The following TRPC6 variants were observed in gnomAD, a reference collection of about 807,000 sequenced individuals.
TRPC6 encodes the protein short transient receptor potential channel 6.
A neutral mutation model predicts 90.7 loss-of-function variants in TRPC6; 55 were observed. The observed-to-expected ratio is 0.61, with a 90% CI of 0.49 to 0.76. The LOEUF (loss-of-function observed/expected upper bound fraction) is 0.76. Ranked by LOEUF, TRPC6 falls within the 30% of genes least tolerant of loss-of-function variation. TRPC6 has a pLI of 0.00. For missense variants in TRPC6, 989 were observed against 1,122.7 expected, an observed-to-expected ratio of 0.88 and a Z score of 1.70; for synonymous variants, 393 against 393.0, an observed-to-expected ratio of 1.00 and a Z score of 0.00.
chr11:101,535,218 GGAAGGAAGGAAGGAAGAAA>G (rs1861013390), intron 1 of TRPC6, among the ~76,000 whole-genome samples: 1 of 87,236 alleles, frequency 1.1e-5, no homozygotes, highest in African/African-American at 4.3e-5. Context: ...AAGGAAGGAA[GGAAGGAAGGAAGGAAGAAA>G]ACACAAAGCA....
At chr11:101,462,716 G>A (rs1157604802) in intron 10 of TRPC6, among the ~76,000 whole-genome samples, 1 of 152,174 alleles carries the variant, frequency 6.6e-6, no homozygotes, top group Non-Finnish European at 1.5e-5. Flanking sequence ...GGGTTGAGAT[G>A]ATGAGGCTTT....
Position 101,489,006 on chromosome 11 carries a change from A to G in TRPC6, c.1224T>C (p.Leu408=), listed in dbSNP as rs199570503. Residue 408 remains leucine, a synonymous_variant, in exon 4 of 13, where the codon CTT becomes CTC. Coordinates refer to ENST00000344327, the MANE Select transcript of TRPC6 (RefSeq NM_004621.6). ...LRQQTMAVKF[L]VVLAVAIGLP... ...GTCCAATGGCAACAGCAAGGACCACAAGGAACTTGACCGCCATTGTCTGCT... is the reference window on the plus strand; with the variant it reads ...GTCCAATGGCAACAGCAAGGACCACGAGGAACTTGACCGCCATTGTCTGCT... The G allele has an allele frequency of 1.8e-5, 29 of 1,614,064 alleles. 1 individual carries two copies. Among genetic ancestry groups the G allele is most frequent in the Non-Finnish European group, 1.9e-5 (23 of 1,180,020 alleles).
In TRPC6 at chr11:101,455,053, G is replaced by C; in HGVS notation, c.2533C>G (p.Leu845Val). The stretch of plus-strand genomic sequence containing the variant: ...CTTGGAGGATTATTGAAACTATTTA[G>C]ATGGAAATCTTCTGAGCTCCTTATA... ...PSIRSSEDFH[L>V]NSFNNPPRQY... Residue 845 changes from leucine (L) to valine (V), a missense_variant, in exon 11 of 13, where the codon CTA becomes GTA. Around this residue, in one of 4 missense-constraint regions of TRPC6, gnomAD observed 191 missense variants for 196.7 expected, o/e 0.97. Transcript: ENST00000344327. 1 of 1,612,582 alleles carries C rather than the reference G, an allele frequency of 6.2e-7. No homozygotes were observed. Among genetic ancestry groups the C allele is most frequent in the Non-Finnish European group, 8.5e-7 (1 of 1,179,096 alleles).
intron 5 of TRPC6, among the ~76,000 whole-genome samples, 193 bp downstream of exon 5, chr11:101,482,756 G>T (rs969117286): frequency 3.9e-5 from 6 of 152,166 alleles, no homozygotes; most frequent in Non-Finnish European, 8.8e-5. Context: ...AAGGCGCACA[G>T]CATGCGAGAA....
intron 1 of TRPC6, among the ~76,000 whole-genome samples, chr11:101,554,900 CCCTCTCTGT>C (rs1489092816): frequency 1.3e-5 from 2 of 152,124 alleles, no homozygotes; most frequent in East Asian, 3.9e-4. Context: ...TGACTCCCTT[CCCTCTCTGT>C]CCTCTCTAAG....
At chr11:101,538,566 G>A (rs573642813) in intron 1 of TRPC6, among the ~76,000 whole-genome samples, 158 of 152,308 alleles carry the variant, frequency 1.0e-3, no homozygotes, top group African/African-American at 3.7e-3. Context: ...GGACTCTGCA[G>A]ATGTAATTAA....
intron 4 of TRPC6, 63 bp from the exon 5 acceptor site, chr11:101,483,228 T>C (rs1156279271): frequency 2.0e-6 from 3 of 1,515,720 alleles, no homozygotes; most frequent in Non-Finnish European, 2.7e-6. Flanking sequence ...AAAACACACA[T>C]ACATACATGC....
Position 101,549,385 on chromosome 11 carries a change from CAT to C in TRPC6, c.170+33947_170+33948del, listed in dbSNP as rs1491071240. Among the ~76,000 whole-genome samples the C allele has an allele frequency of 2.1e-3, 315 of 151,432 alleles. 1 individual carries two copies. The highest frequency in any genetic ancestry group is 7.1e-3 in the African/African-American group (294 of 41,350). ...ATATTACGCCATAAAGCAAAACAAA[CAT>C]GTGAATAAAACATTTATACATGTTT... On this transcript the variant is annotated intron_variant, in intron 1 of 12. Coordinates refer to ENST00000344327, the MANE Select transcript of TRPC6 (RefSeq NM_004621.6).
chr11:101,572,597 T>C (rs1048743584), intron 1 of TRPC6, among the ~76,000 whole-genome samples: 1 of 152,110 alleles, frequency 6.6e-6, no homozygotes, highest in Non-Finnish European at 1.5e-5. Context: ...AGCAAAGACA[T>C]AGAACTGACC....
Position 101,574,122 on chromosome 11 carries a change from T to G in TRPC6, c.170+9212A>C, listed in dbSNP as rs1396909663. Reference sequence around the variant, plus strand: ...AAAGCTTTTGGTCTATTATGGATTCTTTAGATTGTTTTAAAGAAATCCTTC... The same window carrying G: ...AAAGCTTTTGGTCTATTATGGATTCGTTAGATTGTTTTAAAGAAATCCTTC... On this transcript the variant is annotated intron_variant, in intron 1 of 12. Coordinates refer to ENST00000344327, the MANE Select transcript of TRPC6 (RefSeq NM_004621.6). Among the ~76,000 whole-genome samples the G allele has an allele frequency of 1.3e-5, 2 of 151,040 alleles. 1 individual carries two copies. The highest frequency in any genetic ancestry group is 4.9e-5 in the African/African-American group (2 of 40,566).
At chr11:101,544,520 C>T (rs987248021) in intron 1 of TRPC6, among the ~76,000 whole-genome samples, 2 of 152,168 alleles carry the variant, frequency 1.3e-5, no homozygotes, top group African/African-American at 4.8e-5. Flanking sequence ...GAAATTGTGG[C>T]TCATATACAC....
Position 101,504,703 on chromosome 11 carries a change from C to G in TRPC6, c.266G>C (p.Ser89Thr). The change falls in exon 2 of 13, where the codon AGT becomes ACT. Residue 89 changes from serine to threonine, a missense_variant. Ser to Thr is a moderately conservative substitution (Grantham distance 58). Around this residue, in one of 4 missense-constraint regions of TRPC6, gnomAD observed 194 missense variants for 136.5 expected, o/e 1.42. Coordinates refer to ENST00000344327, the MANE Select transcript of TRPC6 (RefSeq NM_004621.6). ...TATAGATAGGCTTGTGGAGCGATCA[C>G]TAAACATGTATGCTGGTCCTCGATT... ...LANRGPAYMF[S>T]DRSTSLSIEE... is the part of the protein sequence containing the mutation. The G allele has an allele frequency of 6.3e-7, 1 of 1,594,016 alleles. No individual in the cohort carries two copies.
intron 1 of TRPC6, among the ~76,000 whole-genome samples, chr11:101,561,015 A>C (rs1013296051): frequency 2.6e-5 from 4 of 152,202 alleles, no homozygotes; most frequent in African/African-American, 4.8e-5. Context: ...TATTGCATGA[A>C]TATTTTTGTT....
At chr11:101,569,872 GT>G (rs991816099) in intron 1 of TRPC6, among the ~76,000 whole-genome samples, 1 of 152,158 alleles carries the variant, frequency 6.6e-6, no homozygotes, top group African/African-American at 2.4e-5. Flanking sequence ...CTGAATCAGT[GT>G]TTAGAGGGAA....
chr11:101,507,049 ACAGACC>A (rs1417171908), intron 1 of TRPC6, among the ~76,000 whole-genome samples: 66 of 142,034 alleles, frequency 4.6e-4, no homozygotes, highest in African/African-American at 1.8e-3. Context: ...ACACACACAC[ACAGACC>A]CCCTTCATGG....
At chr11:101,551,644 T>C (rs1861453136) in intron 1 of TRPC6, among the ~76,000 whole-genome samples, 1 of 151,908 alleles carries the variant, frequency 6.6e-6, no homozygotes, top group Non-Finnish European at 1.5e-5. Context: ...CACCAACAAA[T>C]TATCTCTGCC....
intron 1 of TRPC6, among the ~76,000 whole-genome samples, chr11:101,531,606 C>A (rs1003169483): frequency 1.3e-5 from 2 of 152,100 alleles, no homozygotes; most frequent in African/African-American, 4.8e-5. Flanking sequence ...TTACTCTTCC[C>A]AAATCTTATG....
chr11:101,454,874 G>A, intron 11 of TRPC6, 144 bp downstream of exon 11: 1 of 611,146 alleles, frequency 1.6e-6, no homozygotes, highest in Non-Finnish European at 2.8e-6. Context: ...AAAATGCCTG[G>A]TACATGGTAA....
intron 1 of TRPC6, among the ~76,000 whole-genome samples, chr11:101,510,960 G>A (rs1009066115): frequency 3.3e-5 from 5 of 152,078 alleles, no homozygotes; most frequent in East Asian, 3.8e-4. Context: ...ATTTTAAAGC[G>A]CAATTCTATT....
Sources: gnomAD v4.1 joint callset for allele counts (sites outside exome capture counted in the v4.1 genomes callset) on GRCh38, gnomAD v4.1.1 for gene constraint, gnomAD v4.1.1 regional missense constraint, MANE v1.5 for transcripts, NCBI Gene and HGNC (gene_info 2026-07-23, HGNC 2026-07-21) for gene names.